The following RPGRIP1L variants were observed in gnomAD, a reference collection of about 807,000 sequenced individuals.
RPGRIP1L encodes the protein RPGRIP1 like.
RPGRIP1L carries 131 observed loss-of-function variants against 160.4 expected under a neutral mutation model. The observed-to-expected ratio is 0.82, with a 90% CI of 0.71 to 0.94. The LOEUF is 0.94. RPGRIP1L is among the 40% of genes least tolerant of loss of function. RPGRIP1L has a pLI of 0.00. For synonymous variants in RPGRIP1L, 510 were observed against 515.8 expected (o/e 0.99, Z 0.15); for missense variants, 1,522 against 1,535.8 (o/e 0.99, Z 0.15).
intron 2 of RPGRIP1L, among the ~76,000 whole-genome samples, chr16:53,698,990 G>C (rs1187954135): frequency 2.0e-5 from 3 of 152,124 alleles, no homozygotes; most frequent in African/African-American, 7.2e-5. Context: ...GATGGTTGCC[G>C]TGTCTGTGTG....
chr16:53,632,670 C>A (rs562680466), intron 22 of RPGRIP1L, among the ~76,000 whole-genome samples: 2 of 152,310 alleles, frequency 1.3e-5, no homozygotes, highest in East Asian at 3.9e-4. Flanking sequence ...GCTCCCTAAG[C>A]ATACCATAAT....
chr16:53,658,980 G>A lies in RPGRIP1L; in HGVS notation c.1244-102C>T, dbSNP rs538725755. The A allele has an allele frequency of 2.2e-5, 18 of 834,192 alleles. No homozygotes were observed. In the South Asian group the frequency reaches 2.7e-4, roughly 13 times the overall value. 51.7% of individuals were successfully genotyped at this position (834,192 alleles called of 1,614,324 possible). ...CCTGTTCCACACCAGTCTTGATCTA[G>A]TATTGTTCTGGTCAGAAAGGAAACT... On this transcript the variant is annotated intron_variant, in intron 10 of 26. Transcript: ENST00000647211.
chr16:53,656,334 C>A, intron 14 of RPGRIP1L, 138 bp downstream of exon 14: 1 of 770,244 alleles, frequency 1.3e-6, no homozygotes. Flanking sequence ...GAGGTCAAAG[C>A]TGCATTCATG....
intron 9 of RPGRIP1L, among the ~76,000 whole-genome samples, chr16:53,668,716 T>A (rs944158969): frequency 2.0e-5 from 3 of 152,220 alleles, no homozygotes; most frequent in Non-Finnish European, 4.4e-5. Flanking sequence ...CATACTAATA[T>A]AATACTGTAT....
intron 8 of RPGRIP1L, among the ~76,000 whole-genome samples, 199 bp from the exon 9 acceptor site, chr16:53,671,782 T>C (rs916054619): frequency 2.6e-5 from 4 of 152,174 alleles, no homozygotes; most frequent in African/African-American, 9.6e-5. Flanking sequence ...TAAATAAACG[T>C]GAAATTAATA....
At chr16:53,645,269 G>C (rs979361169) in intron 17 of RPGRIP1L, among the ~76,000 whole-genome samples, 2 of 151,254 alleles carry the variant, frequency 1.3e-5, no homozygotes, top group Non-Finnish European at 2.9e-5. Flanking sequence ...TGTACTGTTG[G>C]TATATAATAC....
At chr16:53,688,080 GT>G in intron 4 of RPGRIP1L, 115 bp from the exon 5 acceptor site, 1 of 691,898 alleles carries the variant, frequency 1.4e-6, no homozygotes. Flanking sequence ...AGAGGTATGT[GT>G]TTTATAGTAC....
chr16:53,703,730 G>T, intron 1 of RPGRIP1L, 73 bp downstream of exon 1: 2 of 277,560 alleles, frequency 7.2e-6, no homozygotes, highest in Admixed American at 4.5e-5. Context: ...CTAGGACCCC[G>T]GCCCGCGCTG....
Position 53,652,574 on chromosome 16 carries a change from C to G in RPGRIP1L, c.2113G>C (p.Glu705Gln). 6.2e-7 allele frequency: 1 copy of G among 1,612,940 alleles called. No homozygotes were observed. The highest frequency in any genetic ancestry group is 1.1e-5 in the South Asian group (1 of 91,050). The change falls in exon 15 of 27, where the codon GAA (glutamate) becomes CAA (glutamine). Residue 705 changes from glutamate (E) to glutamine (Q), a missense_variant. Transcript: ENST00000647211. ...ACQLKFHEIL[E>Q]KSGRIFCTAS... ...GTACAAAATATTCGGCCGCTTTTTT[C>G]AAGAATTTCGTGAAATTTTAATTGA...
At chr16:53,626,729 T>C (rs982574275) in intron 22 of RPGRIP1L, among the ~76,000 whole-genome samples, 2 of 146,712 alleles carry the variant, frequency 1.4e-5, no homozygotes, top group South Asian at 2.1e-4. Flanking sequence ...CGCTTGAACA[T>C]GGGAGGCAGA....
intron 2 of RPGRIP1L, among the ~76,000 whole-genome samples, chr16:53,697,311 A>G (rs1970844948): frequency 6.6e-6 from 1 of 151,166 alleles, no homozygotes. Flanking sequence ...AAGTTTATCA[A>G]TCTCCCTCTC....
intron 19 of RPGRIP1L, among the ~76,000 whole-genome samples, chr16:53,638,706 T>C (rs1206796854): frequency 6.6e-6 from 1 of 151,826 alleles, no homozygotes; most frequent in Non-Finnish European, 1.5e-5. Flanking sequence ...AAATAAAATA[T>C]GCTATATCCA....
chr16:53,641,577 TACCATG>T (rs1426125643), intron 17 of RPGRIP1L, 102 bp from the exon 18 acceptor site: 58 of 1,083,840 alleles, frequency 5.4e-5, no homozygotes, highest in Non-Finnish European at 7.8e-5. Context: ...ACTCATGCTC[TACCATG>T]TGAACTAGCC....
At position 53,599,537 on chromosome 16, in the gene RPGRIP1L, A is replaced by T. The variant is rs1330511314; in HGVS notation, c.*2539T>A. On this transcript the variant is annotated 3_prime_UTR_variant, in exon 27 of 27. Transcript: ENST00000647211. ...TGTATTTCCAAACTAAAAGCATTAC[A>T]GCCCAAAAAAGTGCTGCGTGCACTG... 6.6e-6 allele frequency: 1 copy of T among 152,230 alleles called. No individual in the cohort carries two copies. Among genetic ancestry groups the T allele is most frequent in the Non-Finnish European group, 1.5e-5 (1 of 68,052 alleles). 9.4% of individuals were successfully genotyped at this position (152,230 alleles called of 1,614,324 possible).
At chr16:53,643,375 T>C (rs535097580) in intron 17 of RPGRIP1L, among the ~76,000 whole-genome samples, 1 of 151,504 alleles carries the variant, frequency 6.6e-6, no homozygotes, top group South Asian at 2.1e-4. Context: ...TGGAAGGCTA[T>C]GGGCACACAC....
At chr16:53,703,758 A>C in intron 1 of RPGRIP1L, 45 bp downstream of exon 1, 1 of 315,012 alleles carries the variant, frequency 3.2e-6, no homozygotes, top group Non-Finnish European at 6.3e-6. Context: ...GAGGGTCAGC[A>C]ACCTCCACCC....
At chr16:53,700,109 T>C (rs903683687) in intron 2 of RPGRIP1L, among the ~76,000 whole-genome samples, 5 of 152,214 alleles carry the variant, frequency 3.3e-5, no homozygotes, top group Admixed American at 3.3e-4. Flanking sequence ...TTCTTTAAAG[T>C]AGTGCTTTTC....
In RPGRIP1L at chr16:53,625,329, G is replaced by A. The variant is rs565489542; in HGVS notation, c.3295-2973C>T. Among the ~76,000 whole-genome samples, 44 of 148,744 alleles carry A rather than the reference G, an allele frequency of 3.0e-4. 1 individual carries two copies. The South Asian group carries it at 9.0e-3, about 31-fold the overall frequency. ...TCTGGGATGTGGGGAGCGCCTCCGC[G>A]GCTGCCCCATCTGGGTGGTGGGGAG... On this transcript the variant is annotated intron_variant, in intron 22 of 26. Transcript: ENST00000647211.
At chr16:53,637,930 GAAT>G (rs1965944200) in intron 20 of RPGRIP1L, 76 bp from the exon 21 acceptor site, 2 of 1,418,322 alleles carry the variant, frequency 1.4e-6, no homozygotes, top group East Asian at 4.6e-5. Flanking sequence ...TGGAACAGTT[GAAT>G]AATAAAGCAT....
Sources: gnomAD v4.1 joint callset for allele counts (sites outside exome capture counted in the v4.1 genomes callset) on GRCh38, gnomAD v4.1.1 for gene constraint, MANE v1.5 for transcripts, NCBI Gene and HGNC (gene_info 2026-07-23, HGNC 2026-07-21) for gene names.